MAP3K15: variants seen among roughly 807,000 people sequenced by gnomAD.
The protein encoded by MAP3K15 is MAPK/ERK kinase kinase 15.
In MAP3K15, 124 loss-of-function variants were observed where a neutral mutation model predicts 99.5. The observed-to-expected ratio is 1.25, with a 90% CI of 1.08 to 1.45. MAP3K15 has a LOEUF of 1.45. MAP3K15 is among the 40% of genes most tolerant of loss of function. The probability of loss-of-function intolerance (pLI) is 0.00; values close to 1 mark genes in which losing one functional copy is unlikely to be tolerated. For synonymous variants in MAP3K15, 494 were observed against 439.6 expected (o/e 1.12, Z -1.55); for missense variants, 1,242 against 1,079.7 (o/e 1.15, Z -2.11).
chrX:19,488,345 G>A (rs1383999431), intron 2 of MAP3K15, among the ~76,000 whole-genome samples: 2 of 111,878 alleles, frequency 1.8e-5, no homozygotes, highest in Non-Finnish European at 3.8e-5. Context: ...TTTCAGACTG[G>A]GGGAAAATAA....
intron 6 of MAP3K15, among the ~76,000 whole-genome samples, chrX:19,446,411 A>T (rs1191773313): frequency 1.8e-5 from 2 of 109,509 alleles, no homozygotes; most frequent in African/African-American, 6.6e-5. Context: ...GGTCCAAATC[A>T]CTCTCTCTCT....
rs896407684 is a variant in MAP3K15 at position 19,512,642 on chromosome X, C to CTTT, written c.361+2256_361+2258dup. Among the ~76,000 whole-genome samples, 111 of 71,214 alleles carry CTTT rather than the reference C, an allele frequency of 1.6e-3. 5 individuals are homozygous for CTTT. Among genetic ancestry groups the CTTT allele is most frequent in the African/African-American group, 3.7e-3 (57 of 15,230 alleles). 61.8% of individuals were successfully genotyped at this position (71,214 alleles called of 115,157 possible). A position where few individuals can be genotyped will look rare whatever the true frequency, so the allele number is the denominator to read the frequency against. ...GGCACATGGGTGCCACCACATCCTG[C>CTTT]TTTTTTTTTTTTTTTTTTTTTGCTC... is the stretch of plus-strand genomic sequence containing the variant. On this transcript the variant is annotated intron_variant, in intron 1 of 28. Coordinates refer to ENST00000338883, the MANE Select transcript of MAP3K15 (RefSeq NM_001001671.4).
chrX:19,413,237 A>T, intron 11 of MAP3K15, 120 bp downstream of exon 11: 1 of 496,454 alleles, frequency 2.0e-6, no homozygotes, highest in Admixed American at 3.2e-5. Flanking sequence ...CTGTGATGAT[A>T]CTCTCTCATA....
At chrX:19,456,652 T>C (rs1004987623) in intron 6 of MAP3K15, among the ~76,000 whole-genome samples, 4 of 112,437 alleles carry the variant, frequency 3.6e-5, no homozygotes, top group South Asian at 3.7e-4. Flanking sequence ...TGACCTCGTA[T>C]GTGTTACAAG....
intron 12 of MAP3K15, 66 bp from the exon 13 acceptor site, chrX:19,407,349 ATCTTT>A (rs1259621043): frequency 1.7e-6 from 1 of 581,892 alleles, no homozygotes; most frequent in East Asian, 3.9e-5. Flanking sequence ...CTGCAAGACA[ATCTTT>A]TCTTCTATTT....
At chrX:19,391,092 T>C (rs2063524387) in intron 18 of MAP3K15, among the ~76,000 whole-genome samples, 1 of 111,273 alleles carries the variant, frequency 9.0e-6, no homozygotes, top group African/African-American at 3.3e-5. Flanking sequence ...AATGCTCAAG[T>C]TATTCCATTA....
intron 1 of MAP3K15, among the ~76,000 whole-genome samples, chrX:19,510,833 C>T (rs2064512817): frequency 8.9e-6 from 1 of 112,479 alleles, no homozygotes; most frequent in Admixed American, 9.5e-5. Flanking sequence ...TGATAAACAA[C>T]TTCAGCAAAG....
Position 19,392,005 on chromosome X carries a change from T to C in MAP3K15, c.2428A>G (p.Thr810Ala), listed in dbSNP as rs1474358538. 2.5e-6 allele frequency: 3 copies of C among 1,200,080 alleles called. No individual in the cohort carries two copies. The African/African-American group carries it at 5.3e-5, about 21-fold the overall frequency. ...TGCCAAGCTTTGGTCCACTTACCAG[T>C]AAAAGTCTCTGTGCAGGGGTTCACA... ...AGVNPCTETF[T>A]GTLQYMAPEI... is the part of the protein sequence containing the mutation. Residue 810 changes from threonine to alanine, a missense_variant, in exon 18 of 29, where the codon ACT (threonine) becomes GCT (alanine). Transcript: ENST00000338883.
intron 18 of MAP3K15, among the ~76,000 whole-genome samples, chrX:19,381,723 C>T (rs1313582113): frequency 2.7e-5 from 3 of 112,260 alleles, no homozygotes; most frequent in African/African-American, 9.7e-5. Context: ...AGACAGCACA[C>T]GGGGAGGTCA....
At position 19,486,477 on chromosome X, in the gene MAP3K15, C is replaced by G. The variant is rs1458261095; in HGVS notation, c.525+5G>C. 1.3e-5 allele frequency: 11 copies of G among 833,830 alleles called. No homozygotes were observed. The highest frequency in any genetic ancestry group is 1.5e-5 in the Non-Finnish European group (9 of 612,232). The allele number at this position is 833,830 out of a possible 1,213,427, so 68.7% of individuals were successfully genotyped here. A position where few individuals can be genotyped will look rare whatever the true frequency, so the allele number is the denominator to read the frequency against. On this transcript the variant is annotated splice_donor_5th_base_variant and intron_variant, in intron 3 of 28. Coordinates refer to ENST00000338883, the MANE Select transcript of MAP3K15 (RefSeq NM_001001671.4). ...AATTAAAATTCTGAAAATGTTAATA[C>G]TTACTGTGTTTTTTTGAGTTACCAT...
At chrX:19,510,638 C>A (rs758931113) in intron 1 of MAP3K15, among the ~76,000 whole-genome samples, 1 of 112,083 alleles carries the variant, frequency 8.9e-6, no homozygotes, top group South Asian at 3.7e-4. Flanking sequence ...TGGCACAAGC[C>A]AGGGATGCCC....
At chrX:19,492,942 G>T (rs1471746694) in intron 1 of MAP3K15, among the ~76,000 whole-genome samples, 3 of 111,213 alleles carry the variant, frequency 2.7e-5, no homozygotes, top group Non-Finnish European at 5.7e-5. Flanking sequence ...ACCCCAGCCT[G>T]GATGACAAGA....
chrX:19,460,260 A>G (rs2064122813), intron 4 of MAP3K15, 107 bp from the exon 5 acceptor site: 3 of 495,452 alleles, frequency 6.1e-6, no homozygotes, highest in East Asian at 8.4e-5. Context: ...ACACATAGGG[A>G]CCTCGGCCCA....
At chrX:19,499,026 A>G (rs1413386249) in intron 1 of MAP3K15, among the ~76,000 whole-genome samples, 2 of 111,946 alleles carry the variant, frequency 1.8e-5, no homozygotes, top group African/African-American at 3.2e-5. Context: ...AATATTCACA[A>G]AATATATGAC....
At position 19,395,213 on chromosome X, in the gene MAP3K15, T is replaced by C; in HGVS notation, c.2067-5A>G. On this transcript the variant is annotated splice_polypyrimidine_tract_variant and splice_region_variant and intron_variant, in intron 15 of 28. Coordinates refer to ENST00000338883, the MANE Select transcript of MAP3K15 (RefSeq NM_001001671.4). The stretch of plus-strand genomic sequence containing the variant: ...TCGTGCAGAGGCTGAGAATACCTAT[T>C]GGGAAAAACAGAGCCAGGGTCACCT... 1 of 1,203,873 alleles carries C rather than the reference T, an allele frequency of 8.3e-7. No homozygotes were observed.
intron 3 of MAP3K15, among the ~76,000 whole-genome samples, chrX:19,480,029 C>T (rs112297121): frequency 0.026 from 2,882 of 111,408 alleles, 36 homozygotes; most frequent in Middle Eastern, 0.042. Context: ...CAATTCCATT[C>T]GCAAGAGTAT....
chrX:19,481,695 A>T, intron 3 of MAP3K15, among the ~76,000 whole-genome samples: 1 of 111,733 alleles, frequency 8.9e-6, no homozygotes, highest in Non-Finnish European at 1.9e-5. Flanking sequence ...ATTATTAGCC[A>T]CTAGGGAAAT....
At chrX:19,460,179 T>G (rs1227498010) in intron 4 of MAP3K15, 26 bp from the exon 5 acceptor site, 1 of 1,092,500 alleles carries the variant, frequency 9.2e-7, no homozygotes, top group East Asian at 3.1e-5. Flanking sequence ...CACAAAATCC[T>G]CCAGTCACAT....
intron 1 of MAP3K15, among the ~76,000 whole-genome samples, chrX:19,489,275 T>C (rs985587341): frequency 2.7e-5 from 3 of 111,454 alleles, no homozygotes; most frequent in Non-Finnish European, 5.6e-5. Context: ...AGCTTATATA[T>C]GAGGCATAAA....
Sources: allele counts gnomAD v4.1 joint callset (sites outside exome capture counted in the v4.1 genomes callset), GRCh38; gene constraint gnomAD v4.1.1; transcripts MANE v1.5; gene names NCBI Gene and HGNC (gene_info 2026-07-23, HGNC 2026-07-21).